IL1RAPL1: variants seen among roughly 807,000 people sequenced by gnomAD.
IL1RAPL1 encodes interleukin-1 receptor accessory protein-like 1.
A neutral mutation model predicts 48.4 loss-of-function variants in IL1RAPL1; 3 were observed. The observed-to-expected ratio is 0.06, with a 90% CI of 0.03 to 0.16. IL1RAPL1 has a LOEUF of 0.16. Ranked by LOEUF, IL1RAPL1 falls within the 10% of genes least tolerant of loss-of-function variation. The pLI, the probability that IL1RAPL1 is intolerant of heterozygous loss-of-function variation, is 1.00. For synonymous variants in IL1RAPL1, 185 were observed against 187.7 expected, an observed-to-expected ratio of 0.99 and a Z score of 0.12; for missense variants, 349 against 530.6, an observed-to-expected ratio of 0.66 and a Z score of 3.36.
At chrX:28,655,768 C>T (rs1346267265) in intron 1 of IL1RAPL1, among the ~76,000 whole-genome samples, 2 of 111,504 alleles carry the variant, frequency 1.8e-5, no homozygotes, top group African/African-American at 6.5e-5. Context: ...TTTAAACATT[C>T]TTTTTTAGTA....
At chrX:29,829,995 A>G (rs749298043) in intron 6 of IL1RAPL1, among the ~76,000 whole-genome samples, 1 of 112,334 alleles carries the variant, frequency 8.9e-6, no homozygotes, top group Admixed American at 9.4e-5. Flanking sequence ...TGTAGAAAAT[A>G]ACCAAGTATA....
chrX:28,641,080 T>C (rs370178225), intron 1 of IL1RAPL1, among the ~76,000 whole-genome samples: 13 of 109,566 alleles, frequency 1.2e-4, no homozygotes, highest in African/African-American at 4.0e-4. Context: ...TTTTTTTAAT[T>C]ATACTTTAAG....
At chrX:28,978,290 G>A (rs1305348678) in intron 2 of IL1RAPL1, among the ~76,000 whole-genome samples, 1 of 111,311 alleles carries the variant, frequency 9.0e-6, no homozygotes, top group Non-Finnish European at 1.9e-5. Flanking sequence ...GCAGGCCCAT[G>A]GGAAGATATG....
intron 1 of IL1RAPL1, among the ~76,000 whole-genome samples, chrX:28,742,209 A>G (rs867771105): frequency 1.8e-5 from 2 of 111,280 alleles, no homozygotes; most frequent in Non-Finnish European, 3.8e-5. Context: ...AGATTTATGG[A>G]CCAAACAAAT....
chrX:28,814,455 A>G (rs1049370143), intron 2 of IL1RAPL1, among the ~76,000 whole-genome samples: 8 of 108,872 alleles, frequency 7.3e-5, no homozygotes, highest in African/African-American at 2.3e-4. Flanking sequence ...GGAATGGTCC[A>G]TAGAGCTCAT....
chrX:28,982,973 A>G (rs893663721), intron 2 of IL1RAPL1: 55 of 111,853 alleles, frequency 4.9e-4, no homozygotes, highest in African/African-American at 1.7e-3. Flanking sequence ...CCATAGACTC[A>G]TGAATCATTC....
intron 2 of IL1RAPL1, among the ~76,000 whole-genome samples, chrX:29,248,316 C>T (rs1358955015): frequency 9.0e-6 from 1 of 111,339 alleles, no homozygotes; most frequent in Non-Finnish European, 1.9e-5. Context: ...ACTTGGGAGG[C>T]TGAGGCACGA....
intron 1 of IL1RAPL1, among the ~76,000 whole-genome samples, chrX:28,599,143 G>T (rs1933991153): frequency 9.2e-6 from 1 of 108,363 alleles, no homozygotes; most frequent in Non-Finnish European, 1.9e-5. Flanking sequence ...TACTCGGGAG[G>T]CTGAGGCAGG....
At chrX:29,522,297 C>A (rs1935511077) in intron 5 of IL1RAPL1, among the ~76,000 whole-genome samples, 1 of 110,955 alleles carries the variant, frequency 9.0e-6, no homozygotes, top group Non-Finnish European at 1.9e-5. Context: ...GTGGCTGGGA[C>A]TACAGGTGCA....
rs184884960 is a variant in IL1RAPL1, at chrX:29,718,089, A to G, written c.778+49585A>G. On this transcript the variant is annotated intron_variant, in intron 6 of 10. Transcript: ENST00000378993. Reference sequence around the variant, plus strand: ...CCACATAAATGCAAGGTATGGACGAATGTATTGTACAGGATTGTCACGGAT... The same window carrying G: ...CCACATAAATGCAAGGTATGGACGAGTGTATTGTACAGGATTGTCACGGAT... Among the ~76,000 whole-genome samples the G allele has an allele frequency of 1.2e-3, 138 of 111,950 alleles. 2 individuals carry two copies. Among genetic ancestry groups the G allele is most frequent in the Admixed American group, 3.6e-3 (38 of 10,495 alleles).
intron 6 of IL1RAPL1, among the ~76,000 whole-genome samples, chrX:29,912,441 T>G (rs780521827): frequency 6.2e-5 from 7 of 112,092 alleles, no homozygotes; most frequent in Non-Finnish European, 1.3e-4. Context: ...AATAAAGATA[T>G]AATTTCTGCC....
chrX:29,903,445 GCTCA>G (rs749809900), intron 6 of IL1RAPL1, among the ~76,000 whole-genome samples: 97 of 111,361 alleles, frequency 8.7e-4, no homozygotes, highest in African/African-American at 2.9e-3. Context: ...AGAACAAAAT[GCTCA>G]CTGTTTCCTA....
intron 2 of IL1RAPL1, among the ~76,000 whole-genome samples, chrX:29,081,444 C>T (rs1282322550): frequency 9.0e-6 from 1 of 110,935 alleles, no homozygotes; most frequent in African/African-American, 3.3e-5. Context: ...CTCAAGCGAT[C>T]TGCCCACCTC....
At chrX:29,097,655 A>G (rs1928243854) in intron 2 of IL1RAPL1, among the ~76,000 whole-genome samples, 3 of 110,054 alleles carry the variant, frequency 2.7e-5, no homozygotes, top group Admixed American at 9.8e-5. Flanking sequence ...TTGATGGTCT[A>G]TATTTTATTG....
intron 1 of IL1RAPL1, among the ~76,000 whole-genome samples, chrX:28,731,786 A>G (rs892561341): frequency 3.6e-5 from 4 of 111,715 alleles, no homozygotes; most frequent in Non-Finnish European, 7.5e-5. Context: ...ACCCCAGACA[A>G]CTGTCCTAAT....
At chrX:29,272,090 T>C (rs1239473851) in intron 2 of IL1RAPL1, among the ~76,000 whole-genome samples, 1 of 111,866 alleles carries the variant, frequency 8.9e-6, no homozygotes, top group Admixed American at 9.5e-5. Flanking sequence ...GTACATGGTG[T>C]AAGGAAGGGG....
rs185404052 is a variant in IL1RAPL1, at chrX:29,708,105, T to C, written c.778+39601T>C. On this transcript the variant is annotated intron_variant, in intron 6 of 10. Transcript: ENST00000378993. ...TATTTTTGTGTCTAGTGTAGAAATA[T>C]ACTTTTTATTGATTTTAAGTGACAA... Among the ~76,000 whole-genome samples the C allele has an allele frequency of 7.2e-3, 796 of 111,141 alleles. 4 individuals are homozygous for C. Among genetic ancestry groups the C allele is most frequent in the African/African-American group, 0.024 (749 of 30,648 alleles).
chrX:29,920,283 T>A (rs1268650228), intron 8 of IL1RAPL1, among the ~76,000 whole-genome samples, 189 bp downstream of exon 8: 2 of 111,396 alleles, frequency 1.8e-5, no homozygotes, highest in African/African-American at 6.5e-5. Context: ...GTCTCTAAAA[T>A]CAAATTTGAA....
chrX:29,145,387 C>T (rs778530736), intron 2 of IL1RAPL1, among the ~76,000 whole-genome samples: 5 of 112,235 alleles, frequency 4.5e-5, no homozygotes, highest in South Asian at 7.4e-4. Context: ...ATCTATATTT[C>T]GTCAAGTAAT....
Sources: gnomAD v4.1 joint callset for allele counts (sites outside exome capture counted in the v4.1 genomes callset) on GRCh38, gnomAD v4.1.1 for gene constraint, MANE v1.5 for transcripts, NCBI Gene and HGNC (gene_info 2026-07-23, HGNC 2026-07-21) for gene names.